Variants in CBFA2T3 observed in about 807,000 individuals in gnomAD.
CBFA2T3 encodes the protein CBFA2/RUNX1 partner transcriptional co-repressor 3, also known as transcriptional corepressor CBFA2T3.
CBFA2T3 carries 31 observed loss-of-function variants against 58.6 expected under a neutral mutation model. The observed-to-expected ratio is 0.53, with a 90% CI of 0.40 to 0.71. The LOEUF (loss-of-function observed/expected upper bound fraction) is 0.71, where lower values mean the gene tolerates loss of function less well. CBFA2T3 is among the 30% of genes least tolerant of loss of function. CBFA2T3 has a pLI of 0.00. For missense variants in CBFA2T3, 1,076 were observed against 963.1 expected (o/e 1.12, Z -1.55); for synonymous variants, 531 against 421.9 (o/e 1.26, Z -3.17).
rs562939857 is a variant in CBFA2T3, at chr16:88,951,119, C to T, written c.151+25538G>A. 7.5e-5 allele frequency: 28 copies of T among 371,496 alleles called. No individual in the cohort carries two copies. In the East Asian group the frequency reaches 2.0e-3, roughly 26 times the overall value. The allele number at this position is 371,496 out of a possible 1,614,324, so 23.0% of individuals were successfully genotyped here. A position where few individuals can be genotyped will look rare whatever the true frequency, so the allele number is the denominator to read the frequency against. On this transcript the variant is annotated intron_variant, in intron 1 of 11. Coordinates refer to ENST00000268679, the MANE Select transcript of CBFA2T3 (RefSeq NM_005187.6). ...CCACAGAGGGTCAGAGTGTTGGCAC[C>T]TGTCTTCCGGATCTGTTCACCCCTC...
intron 2 of CBFA2T3, among the ~76,000 whole-genome samples, chr16:88,899,219 G>C (rs1027002382): frequency 6.6e-6 from 1 of 152,170 alleles, no homozygotes; most frequent in African/African-American, 2.4e-5. Context: ...CCGGGGAGGA[G>C]CCTCCCGGCA....
intron 1 of CBFA2T3, among the ~76,000 whole-genome samples, chr16:88,975,185 T>TGCTCCTGACCTGC (rs1482557315): frequency 0.02 from 1,372 of 66,936 alleles, 33 homozygotes; most frequent in East Asian, 0.04. Context: ...TCCACATCTT[T>TGCTCCTGACCTGC]AGCCATGTCA....
intron 1 of CBFA2T3, among the ~76,000 whole-genome samples, chr16:88,964,623 C>T (rs1355099307): frequency 1.3e-5 from 2 of 152,224 alleles, no homozygotes; most frequent in Non-Finnish European, 2.9e-5. Flanking sequence ...ACACCTTTCA[C>T]ACATGCTTAC....
At chr16:88,963,253 A>ATCTTCTGCCAGGGGTGGGCGCTTG (rs1567637337) in intron 1 of CBFA2T3, among the ~76,000 whole-genome samples, 7 of 114,842 alleles carry the variant, frequency 6.1e-5, no homozygotes, top group African/African-American at 2.2e-4. Context: ...GTGGGCGCTC[A>ATCTTCTGCCAGGGGTGGGCGCTTG]TCTTCTGCCA....
At chr16:88,915,679 G>A (rs1970690773) in intron 1 of CBFA2T3, among the ~76,000 whole-genome samples, 1 of 84,436 alleles carries the variant, frequency 1.2e-5, no homozygotes, top group Non-Finnish European at 2.4e-5. Context: ...AGTGTGGAGG[G>A]GGAGCGTCGA....
rs1597672754 is a variant in CBFA2T3 at position 88,888,588 on chromosome 16, T to TGGGGTGGGGTGGGTGGGA, written c.712-2464_712-2447dup. On this transcript the variant is annotated intron_variant, in intron 5 of 11. Transcript: ENST00000268679. ...TGGGGTGGGGTGGGAGGGGGTGGGG[T>TGGGGTGGGGTGGGTGGGA]GGGGTGGGGTGGGTGGGAGGGGTGG... Among the ~76,000 whole-genome samples the TGGGGTGGGGTGGGTGGGA allele has an allele frequency of 9.5e-4, 3 of 3,168 alleles. No homozygotes were observed. The Admixed American group carries it at 0.011, about 12-fold the overall frequency. The allele number at this position is 3,168 out of a possible 152,430, so 2.1% of individuals were successfully genotyped here.
In CBFA2T3 at chr16:88,885,371, G is replaced by C. The variant is rs527370233; in HGVS notation, c.894-102C>G. ...GCAGACAGGCAAGGGCAGAGAGAAA[G>C]AGGACACGTAAGGGCGAGACAGAAA... On this transcript the variant is annotated intron_variant, in intron 6 of 11. Transcript: ENST00000268679. This position sits in a 1 kb window ranked among gnomAD's most constrained non-coding sequence, Gnocchi z 5.3. The C allele has an allele frequency of 1.3e-6, 1 of 767,328 alleles. No homozygotes were observed. Among genetic ancestry groups the C allele is most frequent in the Non-Finnish European group, 2.0e-6 (1 of 508,572 alleles). The allele number at this position is 767,328 out of a possible 1,614,324, so 47.5% of individuals were successfully genotyped here.
At position 88,958,541 on chromosome 16, in the gene CBFA2T3, G is replaced by A. The variant is rs529254519; in HGVS notation, c.151+18116C>T. ...CATCCCTGGGCATCACACGCGTGTC[G>A]TCTGGAGCAGAAGCTGGTGGAGAGG... On this transcript the variant is annotated intron_variant, in intron 1 of 11. Coordinates refer to ENST00000268679, the MANE Select transcript of CBFA2T3 (RefSeq NM_005187.6). The surrounding 1 kb of genome is among the most constrained non-coding windows in gnomAD (Gnocchi z 4.0). Among the ~76,000 whole-genome samples, 4 of 152,210 alleles carry A rather than the reference G, an allele frequency of 2.6e-5. No homozygotes were observed. Among genetic ancestry groups the A allele is most frequent in the Middle Eastern group, 3.2e-3 (1 of 316 alleles).
At chr16:88,892,550 G>A (rs956029173) in intron 3 of CBFA2T3, 65 bp from the exon 4 acceptor site, 37 of 1,568,742 alleles carry the variant, frequency 2.4e-5, no homozygotes, top group African/African-American at 6.7e-5. Context: ...AGACGGCGGC[G>A]ACAGTGAGGG....
intron 1 of CBFA2T3, among the ~76,000 whole-genome samples, chr16:88,974,991 C>A (rs1257037081): frequency 1.3e-5 from 2 of 152,174 alleles, no homozygotes; most frequent in Non-Finnish European, 2.9e-5. Flanking sequence ...CGGACAGAAG[C>A]CCCTAGAAGC....
intron 1 of CBFA2T3, among the ~76,000 whole-genome samples, chr16:88,919,771 A>G (rs896696771): frequency 6.6e-6 from 1 of 152,216 alleles, no homozygotes; most frequent in African/African-American, 2.4e-5. Context: ...ACTGTTGGAA[A>G]GTCAGTGTCG....
chr16:88,911,930 C>T (rs1287907930), intron 1 of CBFA2T3, among the ~76,000 whole-genome samples: 1 of 152,266 alleles, frequency 6.6e-6, no homozygotes, highest in African/African-American at 2.4e-5. Flanking sequence ...CCAGAGTTGG[C>T]TGGCAGGGCC....
Position 88,879,343 on chromosome 16 carries a change from GC to G in CBFA2T3, c.1588del (p.Ala530ProfsTer14). The G allele has an allele frequency of 6.2e-7, 1 of 1,612,642 alleles. No individual in the cohort carries two copies. Among genetic ancestry groups the G allele is most frequent in the Non-Finnish European group, 8.5e-7 (1 of 1,179,622 alleles). Reference protein sequence around the residue: ...ITTERAKMERALAEAKRQASE... With the variant: ...ITTERAKMERXLAEAKRQASE... ...GGCCTGCCGCTTCGCCTCGGCCAGG[GC>G]CCGCTCCATCTTGGCACGCTCCGTG... On this transcript the variant is annotated frameshift_variant, in exon 11 of 12. Coordinates refer to ENST00000268679, the MANE Select transcript of CBFA2T3 (RefSeq NM_005187.6). LOFTEE classifies it high-confidence loss of function.
intron 1 of CBFA2T3, among the ~76,000 whole-genome samples, chr16:88,929,284 G>A (rs933666276): frequency 6.6e-6 from 1 of 152,176 alleles, no homozygotes; most frequent in African/African-American, 2.4e-5. Context: ...TCAGGCAAAC[G>A]GCATCCATCA....
intron 1 of CBFA2T3, among the ~76,000 whole-genome samples, chr16:88,919,965 T>A (rs772618570): frequency 3.3e-5 from 5 of 152,242 alleles, no homozygotes; most frequent in Non-Finnish European, 7.3e-5. Context: ...GATTTACAAG[T>A]GCAGGCATAC....
At chr16:88,967,252 C>A (rs185082934) in intron 1 of CBFA2T3, among the ~76,000 whole-genome samples, 1 of 148,062 alleles carries the variant, frequency 6.8e-6, no homozygotes, top group African/African-American at 2.6e-5. Context: ...GGCCCCGACA[C>A]GAGGCAGCAC....
intron 1 of CBFA2T3, among the ~76,000 whole-genome samples, chr16:88,906,135 C>T (rs1367790189): frequency 6.6e-6 from 1 of 152,142 alleles, no homozygotes; most frequent in Non-Finnish European, 1.5e-5. Flanking sequence ...CCTGCACCCC[C>T]AAGCAGTGTG....
chr16:88,967,187 C>T (rs1277176827), intron 1 of CBFA2T3, among the ~76,000 whole-genome samples: 1 of 115,342 alleles, frequency 8.7e-6, no homozygotes, highest in African/African-American at 3.3e-5. Flanking sequence ...AGGTGCCACT[C>T]GGCCCCGACA....
chr16:88,931,586 T>A (rs12445328), intron 1 of CBFA2T3, among the ~76,000 whole-genome samples: 2 of 104,248 alleles, frequency 1.9e-5, no homozygotes, highest in Admixed American at 8.9e-5. Flanking sequence ...GCCCCGTGGA[T>A]GAGCCAGAGG....
Sources: gnomAD v4.1 joint callset for allele counts (sites outside exome capture counted in the v4.1 genomes callset) on GRCh38, gnomAD v4.1.1 for gene constraint, Gnocchi (gnomAD v3.1) non-coding constraint, MANE v1.5 for transcripts, NCBI Gene and HGNC (gene_info 2026-07-23, HGNC 2026-07-21) for gene names.